Variants in IL1RAPL2 observed in about 807,000 individuals in gnomAD.
IL1RAPL2 encodes interleukin 1 receptor accessory protein like 2, also known as X-linked interleukin-1 receptor accessory protein-like 2.
IL1RAPL2 carries 3 observed loss-of-function variants against 44.1 expected under a neutral mutation model. That is an observed-to-expected ratio of 0.07 (90% confidence interval 0.03 to 0.18). The LOEUF (loss-of-function observed/expected upper bound fraction) is 0.18, where lower values mean the gene tolerates loss of function less well. IL1RAPL2 is among the 10% of genes least tolerant of loss of function. The probability of loss-of-function intolerance (pLI) is 1.00; values close to 1 mark genes in which losing one functional copy is unlikely to be tolerated. For missense variants in IL1RAPL2, 391 were observed against 496.4 expected (o/e 0.79, Z 2.02); for synonymous variants, 181 against 178.8 (o/e 1.01, Z -0.10).
chrX:105,115,744 C>T (rs775313550), intron 2 of IL1RAPL2, among the ~76,000 whole-genome samples: 73 of 113,151 alleles, frequency 6.5e-4, no homozygotes, highest in Non-Finnish European at 1.1e-3. Context: ...ATGCGCCTTG[C>T]GCCTGCACTC....
chrX:104,832,404 A>G (rs889323679), intron 2 of IL1RAPL2, among the ~76,000 whole-genome samples: 1 of 111,406 alleles, frequency 9.0e-6, no homozygotes, highest in Non-Finnish European at 1.9e-5. Context: ...ATTTCATTCT[A>G]TCTGCTTTCA....
At chrX:105,167,629 A>AC (rs968971413) in intron 2 of IL1RAPL2, among the ~76,000 whole-genome samples, 4 of 29,202 alleles carry the variant, frequency 1.4e-4, no homozygotes, top group African/African-American at 4.5e-4. Context: ...CCCCCCGCCC[A>AC]CCCCCCCACA....
chrX:105,433,327 A>T (rs1304772039), intron 5 of IL1RAPL2, among the ~76,000 whole-genome samples: 1 of 111,285 alleles, frequency 9.0e-6, no homozygotes, highest in Non-Finnish European at 1.9e-5. Flanking sequence ...AGGAATTCTT[A>T]GTTTATTTTA....
intron 5 of IL1RAPL2, among the ~76,000 whole-genome samples, chrX:105,408,857 T>C (rs1327616681): frequency 6.0e-5 from 5 of 82,836 alleles, no homozygotes; most frequent in Admixed American, 3.1e-4. Context: ...TATACAGCAT[T>C]AATAAATGAT....
intron 6 of IL1RAPL2, among the ~76,000 whole-genome samples, chrX:105,612,956 A>C (rs1602489357): frequency 9.0e-6 from 1 of 111,626 alleles, no homozygotes; most frequent in African/African-American, 3.3e-5. Context: ...CTAGTGCTGA[A>C]TGGAGCTCAG....
intron 2 of IL1RAPL2, among the ~76,000 whole-genome samples, chrX:105,143,431 A>C (rs1011807892): frequency 2.7e-5 from 3 of 112,072 alleles, no homozygotes; most frequent in Admixed American, 9.4e-5. Flanking sequence ...CGATCATTAA[A>C]AAGTCAGGAA....
chrX:104,789,390 G>A (rs1932814745), intron 2 of IL1RAPL2, among the ~76,000 whole-genome samples: 1 of 111,751 alleles, frequency 8.9e-6, no homozygotes, highest in Non-Finnish European at 1.9e-5. Context: ...GAGAACATGA[G>A]GTAGTTGGTT....
chrX:105,009,714 C>T (rs991159325), intron 2 of IL1RAPL2, among the ~76,000 whole-genome samples: 9 of 108,859 alleles, frequency 8.3e-5, no homozygotes, highest in East Asian at 2.9e-4. Context: ...CTAACCTGCA[C>T]ATTGTGCACA....
chrX:104,573,056 C>A (rs374576545), intron 1 of IL1RAPL2, among the ~76,000 whole-genome samples: 12 of 112,030 alleles, frequency 1.1e-4, no homozygotes, highest in African/African-American at 3.2e-4. Context: ...TGCAGAGTGC[C>A]AAGGGTATAG....
intron 2 of IL1RAPL2, among the ~76,000 whole-genome samples, chrX:104,844,189 C>G (rs1921982489): frequency 9.1e-6 from 1 of 109,989 alleles, no homozygotes; most frequent in African/African-American, 3.3e-5. Flanking sequence ...GAAGTTAAAC[C>G]AATGTGCTAC....
intron 2 of IL1RAPL2, among the ~76,000 whole-genome samples, chrX:105,186,478 TTTCTGACAAG>T (rs2033588773): frequency 9.0e-6 from 1 of 111,320 alleles, no homozygotes; most frequent in Non-Finnish European, 1.9e-5. Context: ...GCATAACTGC[TTTCTGACAAG>T]GTTGGATAAG....
At chrX:104,951,068 G>A (rs1276717515) in intron 2 of IL1RAPL2, among the ~76,000 whole-genome samples, 2 of 111,668 alleles carry the variant, frequency 1.8e-5, no homozygotes, top group South Asian at 3.7e-4. Flanking sequence ...ACTGACCTGC[G>A]CCCACTGTCT....
intron 2 of IL1RAPL2, among the ~76,000 whole-genome samples, chrX:105,039,998 T>C (rs1447731710): frequency 5.4e-5 from 6 of 110,656 alleles, no homozygotes; most frequent in Non-Finnish European, 1.1e-4. Context: ...GCCCATTCAG[T>C]ATGATATTGG....
intron 5 of IL1RAPL2, among the ~76,000 whole-genome samples, chrX:105,290,944 G>A (rs767844004): frequency 3.7e-4 from 41 of 111,688 alleles, no homozygotes; most frequent in African/African-American, 1.2e-3. Context: ...AATGGGTCAA[G>A]TGCTGAGACA....
intron 7 of IL1RAPL2, among the ~76,000 whole-genome samples, chrX:105,732,782 T>G (rs1352727762): frequency 8.9e-6 from 1 of 111,794 alleles, no homozygotes; most frequent in Admixed American, 9.5e-5. Flanking sequence ...CAAGTAGTGC[T>G]GGTGCATGAT....
rs912062160 is a variant in IL1RAPL2, at chrX:105,720,267, G to A, written c.902+2771G>A. On this transcript the variant is annotated intron_variant, in intron 7 of 10. Transcript: ENST00000372582. Reference sequence around the variant, plus strand: ...TTTAAAGTATGCAATTTGTAAGGGCGGATTGATATATGTGTACACCTGTGA... The same window carrying A: ...TTTAAAGTATGCAATTTGTAAGGGCAGATTGATATATGTGTACACCTGTGA... 8.0e-5 allele frequency among the ~76,000 whole-genome samples: 8 copies of A among 99,486 alleles called. No homozygotes were observed. The East Asian group carries it at 2.0e-3, about 25-fold the overall frequency. The allele number at this position is 99,486 out of a possible 115,157, so 86.4% of individuals were successfully genotyped here. A position where few individuals can be genotyped will look rare whatever the true frequency, so the allele number is the denominator to read the frequency against.
chrX:104,748,221 T>G (rs952428329), intron 2 of IL1RAPL2, among the ~76,000 whole-genome samples: 17 of 111,748 alleles, frequency 1.5e-4, no homozygotes, highest in Non-Finnish European at 2.8e-4. Flanking sequence ...AACTAAGCTT[T>G]GGAATGCATA....
At chrX:105,397,496 G>A (rs931564159) in intron 5 of IL1RAPL2, among the ~76,000 whole-genome samples, 1 of 111,088 alleles carries the variant, frequency 9.0e-6, no homozygotes, top group Non-Finnish European at 1.9e-5. Flanking sequence ...AAAGAAAGAG[G>A]GAGTGACAGC....
At chrX:105,081,646 C>T (rs59592763) in intron 2 of IL1RAPL2, among the ~76,000 whole-genome samples, 1,871 of 111,571 alleles carry the variant, frequency 0.017, 40 homozygotes, top group African/African-American at 0.058. Flanking sequence ...GAGATACATT[C>T]CATCAATACC....
Sources: gnomAD v4.1 joint callset for allele counts (sites outside exome capture counted in the v4.1 genomes callset) on GRCh38, gnomAD v4.1.1 for gene constraint, MANE v1.5 for transcripts, NCBI Gene and HGNC (gene_info 2026-07-23, HGNC 2026-07-21) for gene names.